The following TMLHE variants were observed in gnomAD, a reference collection of about 807,000 sequenced individuals.
The protein encoded by TMLHE is trimethyllysine dioxygenase, mitochondrial.
Under a neutral mutation model 25.7 loss-of-function variants are expected in TMLHE, and 18 were observed. That is an observed-to-expected ratio of 0.70 (90% CI 0.48 to 1.04). The LOEUF (loss-of-function observed/expected upper bound fraction) is 1.04. TMLHE is among the 50% of genes least tolerant of loss of function. The probability of loss-of-function intolerance (pLI) is 0.00; values close to 1 mark genes in which losing one functional copy is unlikely to be tolerated. For missense variants in TMLHE, 236 were observed against 259.0 expected (o/e 0.91, Z 0.61); for synonymous variants, 105 against 97.0 (o/e 1.08, Z -0.49).
Position 155,524,646 on chromosome X carries a change from C to T in TMLHE, c.182-14G>A. On this transcript the variant is annotated splice_polypyrimidine_tract_variant and intron_variant, in intron 2 of 7. Transcript: ENST00000334398. ...CATATTTCAGCTCTAGGGAAAAGAT[C>T]ACATTTATCAGAACTATTTATTGAG... 1 of 1,142,849 alleles carries T rather than the reference C, an allele frequency of 8.8e-7. No homozygotes were observed. The highest frequency in any genetic ancestry group is 1.2e-6 in the Non-Finnish European group (1 of 858,749). The allele number at this position is 1,142,849 out of a possible 1,213,427, so 94.2% of individuals were successfully genotyped here.
chrX:155,552,754 T>C (rs1407197304), intron 1 of TMLHE, among the ~76,000 whole-genome samples: 1 of 110,203 alleles, frequency 9.1e-6, no homozygotes, highest in Non-Finnish European at 1.9e-5. Flanking sequence ...CTACATTCTT[T>C]AGGATTAATT....
chrX:155,523,873 T>C (rs1164184300), intron 3 of TMLHE, among the ~76,000 whole-genome samples: 1 of 111,971 alleles, frequency 8.9e-6, no homozygotes, highest in Non-Finnish European at 1.9e-5. Flanking sequence ...CTATACATAT[T>C]TTGTTAGATT....
intron 1 of TMLHE, among the ~76,000 whole-genome samples, chrX:155,548,473 T>C (rs6642284): frequency 0.11 from 12,295 of 110,452 alleles, 1,367 homozygotes; most frequent in African/African-American, 0.32. Flanking sequence ...CGGTGGCTCA[T>C]GCCTGAAATC....
chrX:155,540,514 A>G (rs1557338063), intron 2 of TMLHE, among the ~76,000 whole-genome samples: 1 of 110,888 alleles, frequency 9.0e-6, no homozygotes, highest in African/African-American at 3.3e-5. Context: ...ATCACCACTC[A>G]ATCTGCCCCA....
chrX:155,548,852 G>A (rs188508769), intron 1 of TMLHE, among the ~76,000 whole-genome samples: 1 of 110,645 alleles, frequency 9.0e-6, no homozygotes, highest in African/African-American at 3.3e-5. Flanking sequence ...ATCAATTCAT[G>A]AAGAGATGTT....
chrX:155,526,673 G>C lies in TMLHE; in HGVS notation c.182-2041C>G, dbSNP rs1370398220. 4.4e-5 allele frequency among the ~76,000 whole-genome samples: 5 copies of C among 112,765 alleles called. No individual in the cohort carries two copies. In the East Asian group the frequency reaches 1.4e-3, roughly 32 times the overall value. On this transcript the variant is annotated intron_variant, in intron 2 of 7. Transcript: ENST00000334398. ...GAAAAGCCACAGCCACTCAATGCCA[G>C]CCTGTGAAAGCACCCCCAGGGCTGT...
In TMLHE at chrX:155,531,960, A is replaced by G. The variant is rs188518881; in HGVS notation, c.182-7328T>C. ...ACCCCAGTGCAATGCTTAGGAAACCACAGTTAAAAATAAAAACAAGAAGTA... is the reference window on the plus strand; with the variant it reads ...ACCCCAGTGCAATGCTTAGGAAACCGCAGTTAAAAATAAAAACAAGAAGTA... On this transcript the variant is annotated intron_variant, in intron 2 of 7. Transcript: ENST00000334398. Among the ~76,000 whole-genome samples the G allele has an allele frequency of 8.9e-5, 10 of 111,922 alleles. No homozygotes were observed. The East Asian group carries it at 2.8e-3, about 31-fold the overall frequency.
intron 1 of TMLHE, among the ~76,000 whole-genome samples, chrX:155,549,042 T>C (rs1336473577): frequency 9.0e-6 from 1 of 111,105 alleles, no homozygotes; most frequent in Non-Finnish European, 1.9e-5. Context: ...AAATTTCAAT[T>C]TGTAATTGCT....
At chrX:155,577,766 C>A (rs1331292343) in intron 1 of TMLHE, among the ~76,000 whole-genome samples, 1 of 111,208 alleles carries the variant, frequency 9.0e-6, no homozygotes, top group Non-Finnish European at 1.9e-5. Flanking sequence ...TGCCTTAACA[C>A]ATCCAGCCCT....
chrX:155,523,695 T>C (rs2067202326), intron 3 of TMLHE, among the ~76,000 whole-genome samples: 1 of 111,886 alleles, frequency 8.9e-6, no homozygotes, highest in African/African-American at 3.2e-5. Flanking sequence ...AAAAAAATCT[T>C]GCTTATATTT....
chrX:155,580,096 C>T (rs1016210065), intron 1 of TMLHE, among the ~76,000 whole-genome samples: 6 of 111,598 alleles, frequency 5.4e-5, no homozygotes, highest in African/African-American at 9.8e-5. Flanking sequence ...TAGTTCTCAG[C>T]AGCCAGCACT....
intron 3 of TMLHE, among the ~76,000 whole-genome samples, chrX:155,516,193 G>C (rs1184616605): frequency 5.4e-5 from 2 of 37,223 alleles, no homozygotes; most frequent in Non-Finnish European, 9.9e-5. Context: ...ACAGTCCCCA[G>C]AGTGTGATAT....
At position 155,547,294 on chromosome X, in the gene TMLHE, G is replaced by A. The variant is rs1305400853; in HGVS notation, c.-1-2017C>T. ...CGAGTAGCTGGGACTACAGGCACCT[G>A]CCACCACGCCCGGCTAATTTTTTGT... On this transcript the variant is annotated intron_variant, in intron 1 of 7. Coordinates refer to ENST00000334398, the MANE Select transcript of TMLHE (RefSeq NM_018196.4). Among the ~76,000 whole-genome samples the A allele has an allele frequency of 3.2e-5, 3 of 93,808 alleles. 1 individual carries two copies. The highest frequency in any genetic ancestry group is 4.4e-5 in the Non-Finnish European group (2 of 45,837). 81.5% of individuals were successfully genotyped at this position (93,808 alleles called of 115,157 possible). A position where few individuals can be genotyped will look rare whatever the true frequency, so the allele number is the denominator to read the frequency against.
chrX:155,590,918 G>C (rs2067690258), intron 1 of TMLHE, among the ~76,000 whole-genome samples: 1 of 110,749 alleles, frequency 9.0e-6, no homozygotes, highest in Admixed American at 9.6e-5. Flanking sequence ...GAAACTATCA[G>C]GCTGGATTTT....
chrX:155,537,352 G>A (rs1197732554), intron 2 of TMLHE, among the ~76,000 whole-genome samples: 4 of 111,141 alleles, frequency 3.6e-5, no homozygotes, highest in Non-Finnish European at 7.5e-5. Flanking sequence ...TTCTAATCAA[G>A]TACCTCTTGA....
rs1207338264 is a variant in TMLHE, at chrX:155,547,387, G to GC, written c.-1-2111dup. Among the ~76,000 whole-genome samples the GC allele has an allele frequency of 5.9e-4, 65 of 110,317 alleles. 1 individual carries two copies. The highest frequency in any genetic ancestry group is 1.0e-3 in the Non-Finnish European group (55 of 52,712). On this transcript the variant is annotated intron_variant, in intron 1 of 7. Transcript: ENST00000334398. ...TCTCGATCTCCTGACCTCGTGATCC[G>GC]CCGCCTCAGCCTCCCAAAGTGCTGG...
intron 1 of TMLHE, among the ~76,000 whole-genome samples, chrX:155,549,392 G>A (rs1005755861): frequency 1.8e-5 from 2 of 109,843 alleles, no homozygotes; most frequent in African/African-American, 6.7e-5. Flanking sequence ...TTTTCTGGTT[G>A]GGGAAGTTTC....
intron 2 of TMLHE, among the ~76,000 whole-genome samples, chrX:155,540,192 A>C (rs1185383059): frequency 3.6e-5 from 4 of 110,405 alleles, no homozygotes; most frequent in African/African-American, 1.3e-4. Flanking sequence ...AATTTGAATA[A>C]ACAAACAACT....
chrX:155,549,214 T>G (rs1283388231), intron 1 of TMLHE, among the ~76,000 whole-genome samples: 1 of 110,974 alleles, frequency 9.0e-6, no homozygotes, highest in Non-Finnish European at 1.9e-5. Flanking sequence ...TTTTGCAAAC[T>G]TTATACCTTT....
Sources: gnomAD v4.1 joint callset for allele counts (sites outside exome capture counted in the v4.1 genomes callset) on GRCh38, gnomAD v4.1.1 for gene constraint, MANE v1.5 for transcripts, NCBI Gene and HGNC (gene_info 2026-07-23, HGNC 2026-07-21) for gene names.